The following DGKD variants were observed in gnomAD, a reference collection of about 807,000 sequenced individuals.
DGKD encodes the protein DAG kinase delta.
Under a neutral mutation model 154.4 loss-of-function variants are expected in DGKD, and 68 were observed. The observed-to-expected ratio is 0.44, with a 90% CI of 0.36 to 0.54. The LOEUF is 0.54. Ranked by LOEUF, DGKD falls within the 20% of genes least tolerant of loss-of-function variation. DGKD has a pLI of 0.00. For missense variants in DGKD, 1,343 were observed against 1,593.6 expected, an observed-to-expected ratio of 0.84 and a Z score of 2.68; for synonymous variants, 693 against 638.0, an observed-to-expected ratio of 1.09 and a Z score of -1.30.
rs187681536 is a variant in DGKD, at chr2:233,463,812, C to T, written c.3187-352C>T. 3.2e-3 allele frequency: 955 copies of T among 303,118 alleles called. 4 individuals are homozygous for T. The highest frequency in any genetic ancestry group is 4.8e-3 in the Non-Finnish European group (751 of 155,026). The allele number at this position is 303,118 out of a possible 1,614,324, so 18.8% of individuals were successfully genotyped here. ...CCTCACTGCACACCTCCTGCTGCCT[C>T]CTGCAAGGTTCGACTGCTGACTTTG... On this transcript the variant is annotated intron_variant, in intron 26 of 29. Transcript: ENST00000264057.
At chr2:233,393,019 C>G (rs1703735201) in intron 3 of DGKD, among the ~76,000 whole-genome samples, 1 of 152,132 alleles carries the variant, frequency 6.6e-6, no homozygotes, top group Non-Finnish European at 1.5e-5. Flanking sequence ...TTTTCTGTTT[C>G]CTTTTTTATT....
intron 28 of DGKD, among the ~76,000 whole-genome samples, chr2:233,468,083 A>C (rs1326425364): frequency 6.6e-6 from 1 of 152,018 alleles, no homozygotes; most frequent in African/African-American, 2.4e-5. Flanking sequence ...GCAGGAACAG[A>C]TGCCAGCTCT....
chr2:233,413,282 T>C (rs2125520650), intron 3 of DGKD, among the ~76,000 whole-genome samples: 1 of 152,336 alleles, frequency 6.6e-6, no homozygotes, highest in African/African-American at 2.4e-5. Context: ...CGCCTCTGTT[T>C]TCTGATAAAG....
chr2:233,401,600 G>C (rs1405101273), intron 3 of DGKD, among the ~76,000 whole-genome samples: 1 of 151,996 alleles, frequency 6.6e-6, no homozygotes, highest in Non-Finnish European at 1.5e-5. Context: ...CATTTAGAAG[G>C]GTCATATTCT....
chr2:233,383,827 G>T (rs113735374), intron 1 of DGKD, among the ~76,000 whole-genome samples: 1,611 of 152,262 alleles, frequency 0.011, 24 homozygotes, highest in African/African-American at 0.037. Context: ...AAGGATAGTT[G>T]AGGACATAAG....
At chr2:233,390,879 A>G (rs1444117313) in intron 3 of DGKD, among the ~76,000 whole-genome samples, 2 of 152,094 alleles carry the variant, frequency 1.3e-5, no homozygotes, top group Non-Finnish European at 2.9e-5. Context: ...GATTACAGGC[A>G]TGTGCCACCA....
At position 233,457,160 on chromosome 2, in the gene DGKD, GAGA is replaced by G. The variant is rs1413326870; in HGVS notation, c.2473-58_2473-56del. 1.4e-6 allele frequency: 2 copies of G among 1,412,554 alleles called. No individual in the cohort carries two copies. The highest frequency in any genetic ancestry group is 1.9e-6 in the Non-Finnish European group (2 of 1,033,336). The allele number at this position is 1,412,554 out of a possible 1,614,324, so 87.5% of individuals were successfully genotyped here. ...AGCCCCTGGCGGTGGGAAGCTGGTA[GAGA>G]AGGAGGGGCTGACTCATACCTTTCT... On this transcript the variant is annotated intron_variant, in intron 20 of 29. Coordinates refer to ENST00000264057, the MANE Select transcript of DGKD (RefSeq NM_152879.3). This position sits in a 1 kb window ranked among gnomAD's most constrained non-coding sequence, Gnocchi z 5.5.
rs151057884 is a variant in DGKD at position 233,464,272 on chromosome 2, G to A, written c.3295G>A (p.Gly1099Ser). 114 of 1,613,520 alleles carry A rather than the reference G, an allele frequency of 7.1e-5. No homozygotes were observed. The African/African-American group carries it at 1.4e-3, about 20-fold the overall frequency. Reference sequence around the variant, plus strand: ...GTGGCTCTGCCAGTCCGCAGAGCCCGGCGACGAAGAGGTATGTGGCTCATA... The same window carrying A: ...GTGGCTCTGCCAGTCCGCAGAGCCCAGCGACGAAGAGGTATGTGGCTCATA... ...TPWLCQSAEP[G>S]DEESVMLDLA... Residue 1099 changes from glycine to serine, a missense_variant, in exon 27 of 30, where the codon GGC becomes AGC. This residue lies in a region of DGKD where 429 missense variants were observed against 496.3 expected (regional missense o/e 0.86). Coordinates refer to ENST00000264057, the MANE Select transcript of DGKD (RefSeq NM_152879.3).
Position 233,470,022 on chromosome 2 carries a change from G to A in DGKD, c.*562G>A, listed in dbSNP as rs1318440659. 1 of 152,446 alleles carries A rather than the reference G, an allele frequency of 6.6e-6. No individual in the cohort carries two copies. Among genetic ancestry groups the A allele is most frequent in the Non-Finnish European group, 1.5e-5 (1 of 68,116 alleles). The allele number at this position is 152,446 out of a possible 1,614,324, so 9.4% of individuals were successfully genotyped here. On this transcript the variant is annotated 3_prime_UTR_variant, in exon 30 of 30. Transcript: ENST00000264057. ...AAGTAGCATGGATGTTTCCAGTCTT[G>A]TTGATTGTAATTTGACGTGAAGAGA...
At chr2:233,460,857 A>G (rs1189130724) in intron 24 of DGKD, among the ~76,000 whole-genome samples, 1 of 151,926 alleles carries the variant, frequency 6.6e-6, no homozygotes, top group African/African-American at 2.4e-5. Flanking sequence ...GCGCCACTGC[A>G]CTCCAACCTG....
chr2:233,463,615 A>G (rs2063734743), intron 26 of DGKD, among the ~76,000 whole-genome samples: 1 of 143,172 alleles, frequency 7.0e-6, no homozygotes. Context: ...CACTCCACGC[A>G]TCTCCTCACT....
chr2:233,371,426 A>C (rs1702317418), intron 1 of DGKD, among the ~76,000 whole-genome samples: 1 of 152,030 alleles, frequency 6.6e-6, no homozygotes, highest in Non-Finnish European at 1.5e-5. Context: ...AGTTTTTTAT[A>C]TATTTTGGGT....
intron 1 of DGKD, among the ~76,000 whole-genome samples, chr2:233,366,928 A>G (rs1271834680): frequency 6.6e-6 from 1 of 152,204 alleles, no homozygotes; most frequent in Admixed American, 6.5e-5. Flanking sequence ...TAAATACCTC[A>G]GTGTATGTCT....
Position 233,469,523 on chromosome 2 carries a change from C to A in DGKD, c.*63C>A. On this transcript the variant is annotated 3_prime_UTR_variant, in exon 30 of 30. Transcript: ENST00000264057. Reference sequence around the variant, plus strand: ...CGCCGAGGCCTAGCCTCCGCCCTCTCAGCCTGTGGCCTCTGCGCCTCCTGC... The same window carrying A: ...CGCCGAGGCCTAGCCTCCGCCCTCTAAGCCTGTGGCCTCTGCGCCTCCTGC... The A allele has an allele frequency of 6.9e-7, 1 of 1,439,828 alleles. No individual in the cohort carries two copies. Among genetic ancestry groups the A allele is most frequent in the Non-Finnish European group, 9.5e-7 (1 of 1,049,648 alleles). 89.2% of individuals were successfully genotyped at this position (1,439,828 alleles called of 1,614,324 possible).
intron 2 of DGKD, 113 bp downstream of exon 2, chr2:233,388,480 A>C: frequency 9.8e-7 from 1 of 1,017,204 alleles, no homozygotes; most frequent in Non-Finnish European, 1.4e-6. Context: ...CAGATCTGTT[A>C]TTGCCAGTGA....
chr2:233,452,097 ACATGGCTG>A lies in DGKD; in HGVS notation c.2264+39_2264+46del. On this transcript the variant is annotated intron_variant, in intron 18 of 29. Transcript: ENST00000264057. The surrounding 1 kb of genome is among the most constrained non-coding windows in gnomAD (Gnocchi z 4.0). ...GGATAAACCGAGTGGGCATATTGTT[ACATGGCTG>A]CTAGTGCATAGAAAACAGATCTCAG... 1 of 1,565,986 alleles carries A rather than the reference ACATGGCTG, an allele frequency of 6.4e-7. No homozygotes were observed. The highest frequency in any genetic ancestry group is 8.8e-7 in the Non-Finnish European group (1 of 1,136,606).
At chr2:233,447,046 G>C (rs77646216) in intron 12 of DGKD, among the ~76,000 whole-genome samples, 2,490 of 152,256 alleles carry the variant, frequency 0.016, 69 homozygotes, top group African/African-American at 0.056. Flanking sequence ...GGGTGGTGGG[G>C]TGGTCCTCCT....
rs563312314 is a variant in DGKD at position 233,466,139 on chromosome 2, T to C, written c.3307-947T>C. Among the ~76,000 whole-genome samples the C allele has an allele frequency of 9.6e-4, 146 of 152,030 alleles. 1 individual carries two copies. Among genetic ancestry groups the C allele is most frequent in the African/African-American group, 3.4e-3 (140 of 41,460 alleles). On this transcript the variant is annotated intron_variant, in intron 27 of 29. Coordinates refer to ENST00000264057, the MANE Select transcript of DGKD (RefSeq NM_152879.3). ...TTACTGTGCTCCAAGCAATGGTCTG[T>C]ATGTTACTAGTCCTTTGAAATGTAC...
Position 233,440,180 on chromosome 2 carries a change from G to A in DGKD, c.1086-1707G>A, listed in dbSNP as rs1365239902. Among the ~76,000 whole-genome samples, 2 of 152,170 alleles carry A rather than the reference G, an allele frequency of 1.3e-5. No homozygotes were observed. The highest frequency in any genetic ancestry group is 1.9e-4 in the East Asian group (1 of 5,192). Reference sequence around the variant, plus strand: ...GAGTCGTCATTTACCATTTCTGGAAGCAGCTCATCTCACACAGCTCACAGC... The same window carrying A: ...GAGTCGTCATTTACCATTTCTGGAAACAGCTCATCTCACACAGCTCACAGC... On this transcript the variant is annotated intron_variant, in intron 9 of 29. Transcript: ENST00000264057. The surrounding 1 kb of genome is among the most constrained non-coding windows in gnomAD (Gnocchi z 4.9).
Sources: gnomAD v4.1 joint callset for allele counts (sites outside exome capture counted in the v4.1 genomes callset) on GRCh38, gnomAD v4.1.1 for gene constraint, gnomAD v4.1.1 regional missense constraint, Gnocchi (gnomAD v3.1) non-coding constraint, MANE v1.5 for transcripts, NCBI Gene and HGNC (gene_info 2026-07-23, HGNC 2026-07-21) for gene names.